The following AZIN2 variants were observed in gnomAD, a reference collection of about 807,000 sequenced individuals.
The protein encoded by AZIN2 is ODC antizyme inhibitor-2.
A neutral mutation model predicts 47.8 loss-of-function variants in AZIN2; 28 were observed. The ratio of observed to expected loss-of-function variants is 0.59; its 90% CI spans 0.43 to 0.80. The LOEUF (loss-of-function observed/expected upper bound fraction) is 0.80. Ranked by LOEUF, AZIN2 falls within the 30% of genes least tolerant of loss-of-function variation. AZIN2 has a pLI of 0.00. For synonymous variants in AZIN2, 221 were observed against 239.4 expected (o/e 0.92, Z 0.71); for missense variants, 535 against 582.5 (o/e 0.92, Z 0.84).
At chr1:33,114,621 GA>G (rs1412910387) in intron 10 of AZIN2, among the ~76,000 whole-genome samples, 1 of 145,804 alleles carries the variant, frequency 6.9e-6, no homozygotes, top group Non-Finnish European at 1.5e-5. Flanking sequence ...CCAAAGTGCT[GA>G]GATTACAGGC....
chr1:33,139,841 C>T, the AZIN2 span, among the ~76,000 whole-genome samples: 454 of 152,192 alleles, frequency 3.0e-3, no homozygotes, highest in Non-Finnish European at 5.1e-3. Context: ...TGTAGAGCTG[C>T]CATATGGTGT....
At chr1:33,118,139 T>G in intron 11 of AZIN2, 23 bp downstream of exon 11, 1 of 1,502,724 alleles carries the variant, frequency 6.7e-7, no homozygotes, top group African/African-American at 1.4e-5. Context: ...TGCTGGAAAA[T>G]GGGGGTATGG....
rs557571451 is a variant in AZIN2, at chr1:33,123,386, G to A, written c.*3204G>A. Among the ~76,000 whole-genome samples, 4 of 152,330 alleles carry A rather than the reference G, an allele frequency of 2.6e-5. No individual in the cohort carries two copies. In the East Asian group the frequency reaches 7.7e-4, roughly 29 times the overall value. On this transcript the variant is annotated 3_prime_UTR_variant, in exon 12 of 12. Coordinates refer to ENST00000294517, the MANE Select transcript of AZIN2 (RefSeq NM_052998.4). ...AAACCTGATTTATTTTTTCACTGCT[G>A]TGTCCTTATTACCTAGAACGGAGTA...
the AZIN2 span, chr1:33,159,823 G>T: frequency 1.2e-6 from 2 of 1,613,838 alleles, no homozygotes; most frequent in Admixed American, 3.3e-5. The surrounding 1 kb of genome is among the most constrained non-coding windows in gnomAD (Gnocchi z 4.2). Flanking sequence ...CTCGATGTCG[G>T]TCAGCGTGCG....
the AZIN2 span, chr1:33,147,826 G>A: frequency 7.3e-7 from 1 of 1,377,020 alleles, no homozygotes; most frequent in Non-Finnish European, 9.9e-7. This position sits in a 1 kb window ranked among gnomAD's most constrained non-coding sequence, Gnocchi z 8.1. Flanking sequence ...TGGTACGCAG[G>A]AGGCCTCTGA....
At chr1:33,150,995 A>G in the AZIN2 span, among the ~76,000 whole-genome samples, 1 of 152,152 alleles carries the variant, frequency 6.6e-6, no homozygotes, top group Non-Finnish European at 1.5e-5. Flanking sequence ...ACCGAGGCTC[A>G]GGGCAGAAGG....
chr1:33,143,661 G>T, the AZIN2 span, among the ~76,000 whole-genome samples: 1 of 152,208 alleles, frequency 6.6e-6, no homozygotes, highest in Non-Finnish European at 1.5e-5. Flanking sequence ...TGTAGATGAA[G>T]ATCCACCTGT....
At chr1:33,133,335 T>G in the AZIN2 span, among the ~76,000 whole-genome samples, 1 of 152,258 alleles carries the variant, frequency 6.6e-6, no homozygotes, top group Non-Finnish European at 1.5e-5. Flanking sequence ...AATGTCACTC[T>G]TAAATGTCAC....
intron 10 of AZIN2, among the ~76,000 whole-genome samples, chr1:33,110,441 A>G (rs550007242): frequency 1.7e-4 from 26 of 152,380 alleles, no homozygotes; most frequent in African/African-American, 5.5e-4. Context: ...TTTACTTCAT[A>G]TATTGGAATT....
At chr1:33,119,515 T>C (rs558830944) in intron 11 of AZIN2, 1 of 164,748 alleles carries the variant, frequency 6.1e-6, no homozygotes, top group African/African-American at 2.4e-5. Context: ...ACTCTGATAG[T>C]GGAGCCATTG....
chr1:33,094,401 C>T (rs558777810), intron 7 of AZIN2, 147 bp from the exon 8 acceptor site: 13 of 829,964 alleles, frequency 1.6e-5, no homozygotes, highest in Non-Finnish European at 2.2e-5. Flanking sequence ...CCCTTGGCAA[C>T]CCATTGAACA....
At chr1:33,115,447 G>A (rs1277049712) in intron 10 of AZIN2, among the ~76,000 whole-genome samples, 1 of 150,402 alleles carries the variant, frequency 6.6e-6, no homozygotes, top group African/African-American at 2.4e-5. Context: ...GCTCACACCT[G>A]CAATCTCAGT....
rs1269872715 is a variant in AZIN2 at position 33,097,450 on chromosome 1, T to C, written c.916+581T>C. ...GCCCACATCACCAACATCAGTGCTC[T>C]TCCCTCCCCTTCCAGATAGGTCAGG... On this transcript the variant is annotated intron_variant, in intron 9 of 11. Coordinates refer to ENST00000294517, the MANE Select transcript of AZIN2 (RefSeq NM_052998.4). 2.6e-5 allele frequency among the ~76,000 whole-genome samples: 4 copies of C among 152,244 alleles called. No homozygotes were observed. The South Asian group carries it at 8.3e-4, about 32-fold the overall frequency.
chr1:33,132,732 C>T, the AZIN2 span, among the ~76,000 whole-genome samples: 9 of 152,240 alleles, frequency 5.9e-5, no homozygotes, highest in Non-Finnish European at 1.2e-4. Flanking sequence ...CACCACCTGG[C>T]ACTCCTGGCA....
At chr1:33,106,710 T>G (rs898047323) in intron 10 of AZIN2, among the ~76,000 whole-genome samples, 1 of 152,150 alleles carries the variant, frequency 6.6e-6, no homozygotes, top group African/African-American at 2.4e-5. Context: ...TTGACAAAAT[T>G]CAGCATCCTT....
rs1644768914 is a variant in AZIN2, at chr1:33,120,434, GC to G, written c.*254del. The G allele has an allele frequency of 2.1e-6, 1 of 485,496 alleles. No homozygotes were observed. Among genetic ancestry groups the G allele is most frequent in the East Asian group, 3.5e-5 (1 of 28,172 alleles). 30.1% of individuals were successfully genotyped at this position (485,496 alleles called of 1,614,324 possible). A position where few individuals can be genotyped will look rare whatever the true frequency, so the allele number is the denominator to read the frequency against. On this transcript the variant is annotated 3_prime_UTR_variant, in exon 12 of 12. Coordinates refer to ENST00000294517, the MANE Select transcript of AZIN2 (RefSeq NM_052998.4). ...CTCTGCAGTGCAAGGGGCCTGGTCA[GC>G]CAGGTGTGGGGGTGTTCTTGGGGTC... is the stretch of plus-strand genomic sequence containing the variant.
the AZIN2 span, among the ~76,000 whole-genome samples, chr1:33,158,945 A>G: frequency 2.0e-5 from 3 of 151,978 alleles, no homozygotes; most frequent in East Asian, 1.9e-4. Context: ...GGTTCAAGCA[A>G]TTCTCCTGCC....
At chr1:33,116,836 A>G (rs1230047830) in intron 10 of AZIN2, among the ~76,000 whole-genome samples, 1 of 152,200 alleles carries the variant, frequency 6.6e-6, no homozygotes, top group Non-Finnish European at 1.5e-5. Flanking sequence ...GGGGGAAAGT[A>G]GGAGGTATGG....
chr1:33,111,467 T>C (rs1041318869), intron 10 of AZIN2, among the ~76,000 whole-genome samples: 1 of 152,172 alleles, frequency 6.6e-6, no homozygotes, highest in African/African-American at 2.4e-5. Context: ...AATAAGATAA[T>C]ATAACTTCTA....
Sources: gnomAD v4.1 joint callset for allele counts (sites outside exome capture counted in the v4.1 genomes callset) on GRCh38, gnomAD v4.1.1 for gene constraint, Gnocchi (gnomAD v3.1) non-coding constraint, MANE v1.5 for transcripts, NCBI Gene and HGNC (gene_info 2026-07-23, HGNC 2026-07-21) for gene names.